Variants in RBFOX1 observed in about 807,000 individuals in gnomAD.
RBFOX1 encodes RNA binding protein fox-1 homolog 1.
Under a neutral mutation model 57.7 loss-of-function variants are expected in RBFOX1, and 8 were observed. That is an observed-to-expected ratio of 0.14 (90% CI 0.08 to 0.25). The LOEUF is 0.25. Ranked by LOEUF, RBFOX1 falls within the 10% of genes least tolerant of loss-of-function variation. The pLI is 1.00. For synonymous variants in RBFOX1, 326 were observed against 222.4 expected (o/e 1.47, Z -4.15); for missense variants, 611 against 548.5 (o/e 1.11, Z -1.14).
At position 6,816,413 on chromosome 16, in the gene RBFOX1, C is replaced by G. The variant is rs577602814; in HGVS notation, c.-16+161763C>G. On this transcript the variant is annotated intron_variant, in intron 3 of 15. Coordinates refer to ENST00000550418, the MANE Select transcript of RBFOX1 (RefSeq NM_018723.4). ...GGTTTTGTTGTTGCCAGACTGGCCC[C>G]TTCATGTAATTTTTTTTTTTTTTTT... 1.5e-4 allele frequency among the ~76,000 whole-genome samples: 23 copies of G among 149,748 alleles called. 1 individual carries two copies. The East Asian group carries it at 4.5e-3, about 29-fold the overall frequency.
chr16:7,644,753 G>A (rs1156670730), intron 11 of RBFOX1, among the ~76,000 whole-genome samples: 1 of 152,184 alleles, frequency 6.6e-6, no homozygotes, highest in Non-Finnish European at 1.5e-5. Flanking sequence ...ATCAACTCAG[G>A]TGATAAGAAA....
At chr16:6,352,699 A>G (rs1156744313) in intron 2 of RBFOX1, among the ~76,000 whole-genome samples, 2 of 152,228 alleles carry the variant, frequency 1.3e-5, no homozygotes, top group African/African-American at 2.4e-5. Context: ...CGTGTTTGAT[A>G]CAAAGGGCAT....
intron 4 of RBFOX1, among the ~76,000 whole-genome samples, chr16:7,458,742 A>T (rs1161967053): frequency 6.6e-6 from 1 of 152,030 alleles, no homozygotes; most frequent in Non-Finnish European, 1.5e-5. Context: ...TTACCTTTTC[A>T]GATAAGACCT....
chr16:5,681,661 G>C (rs1279030548), intron 3 of RBFOX1, among the ~76,000 whole-genome samples: 1 of 152,050 alleles, frequency 6.6e-6, no homozygotes, highest in Non-Finnish European at 1.5e-5. Context: ...CCAAGGTGCT[G>C]GGATTACAAG....
chr16:6,899,304 C>T (rs985068025), intron 3 of RBFOX1, among the ~76,000 whole-genome samples: 24 of 152,122 alleles, frequency 1.6e-4, no homozygotes, highest in African/African-American at 5.6e-4. Flanking sequence ...TATGTGTATG[C>T]ATGTGTATGT....
At chr16:6,902,913 A>G (rs2068836837) in intron 3 of RBFOX1, among the ~76,000 whole-genome samples, 1 of 152,296 alleles carries the variant, frequency 6.6e-6, no homozygotes, top group South Asian at 2.1e-4. Flanking sequence ...AGTATTGAAG[A>G]TGTAGATTCT....
intron 2 of RBFOX1, among the ~76,000 whole-genome samples, chr16:6,637,795 G>A (rs1225934404): frequency 1.3e-5 from 2 of 151,820 alleles, no homozygotes; most frequent in African/African-American, 4.8e-5. Context: ...CAGGAGGGCA[G>A]GATATTCCAT....
chr16:6,890,397 T>C (rs748348475), intron 3 of RBFOX1, among the ~76,000 whole-genome samples: 2 of 152,318 alleles, frequency 1.3e-5, no homozygotes, highest in East Asian at 1.9e-4. Flanking sequence ...TGGGCACCTG[T>C]AGTCCCAGCC....
intron 14 of RBFOX1, among the ~76,000 whole-genome samples, chr16:7,684,950 G>C (rs1024386727): frequency 2.6e-5 from 4 of 151,976 alleles, no homozygotes; most frequent in Non-Finnish European, 4.4e-5. Context: ...GGGAAAAGGA[G>C]GATTAACTTG....
rs2079635944 is a variant in RBFOX1 at position 6,777,828 on chromosome 16, A to AT, written c.-16+123182dup. Among the ~76,000 whole-genome samples, 3 of 152,174 alleles carry AT rather than the reference A, an allele frequency of 2.0e-5. No individual in the cohort carries two copies. In the South Asian group the frequency reaches 6.2e-4, roughly 32 times the overall value. On this transcript the variant is annotated intron_variant, in intron 3 of 15. Transcript: ENST00000550418. ...CCTTGTCATCAAGCTTTCCAGTTTC[A>AT]TTTTCACTTTTTGCACTAAGAGTAT...
intron 1 of RBFOX1, among the ~76,000 whole-genome samples, chr16:5,393,616 G>T (rs1567441362): frequency 6.6e-6 from 1 of 152,170 alleles, no homozygotes; most frequent in African/African-American, 2.4e-5. Context: ...ATGACATTCT[G>T]CTGTGTTGTT....
chr16:6,800,540 G>C (rs982160287), intron 3 of RBFOX1, among the ~76,000 whole-genome samples: 4 of 152,038 alleles, frequency 2.6e-5, no homozygotes, highest in Non-Finnish European at 5.9e-5. Flanking sequence ...TTCCGTGCAC[G>C]CTACACTTTA....
chr16:6,169,375 C>A (rs946828505), intron 1 of RBFOX1, among the ~76,000 whole-genome samples: 6 of 151,900 alleles, frequency 3.9e-5, no homozygotes, highest in Non-Finnish European at 8.8e-5. Context: ...GATTTGAATT[C>A]TTATACATGG....
chr16:6,849,857 T>C (rs772228408), intron 3 of RBFOX1, among the ~76,000 whole-genome samples: 38 of 152,142 alleles, frequency 2.5e-4, no homozygotes, highest in Admixed American at 6.5e-5. Flanking sequence ...TTATTTTTCT[T>C]CCTACCCTGC....
At chr16:5,979,172 G>C (rs1209391885) in intron 4 of RBFOX1, among the ~76,000 whole-genome samples, 1 of 152,180 alleles carries the variant, frequency 6.6e-6, no homozygotes, top group African/African-American at 2.4e-5. Flanking sequence ...TGTCTGAGGT[G>C]AGCTCCAAGG....
chr16:6,660,711 T>A (rs2098695954), intron 3 of RBFOX1, among the ~76,000 whole-genome samples: 1 of 152,226 alleles, frequency 6.6e-6, no homozygotes, highest in Non-Finnish European at 1.5e-5. Flanking sequence ...GCAAATCATT[T>A]TATATAATAC....
intron 3 of RBFOX1, among the ~76,000 whole-genome samples, chr16:6,897,057 C>T (rs1000668596): frequency 6.6e-6 from 1 of 152,152 alleles, no homozygotes; most frequent in Non-Finnish European, 1.5e-5. Context: ...CCACACCTTC[C>T]TGAATGCTGG....
upstream of RBFOX1, among the ~76,000 whole-genome samples, chr16:6,017,987 T>C: frequency 6.6e-6 from 1 of 152,318 alleles, no homozygotes; most frequent in East Asian, 1.9e-4. Flanking sequence ...CCTTGTCCAA[T>C]GCCACCTGCC....
intron 4 of RBFOX1, among the ~76,000 whole-genome samples, chr16:7,354,045 C>G (rs557947870): frequency 6.6e-6 from 1 of 152,140 alleles, no homozygotes; most frequent in Non-Finnish European, 1.5e-5. Context: ...GATCTGGGCT[C>G]GCTGCAACCT....
Sources: allele counts gnomAD v4.1 joint callset (sites outside exome capture counted in the v4.1 genomes callset), GRCh38; gene constraint gnomAD v4.1.1; transcripts MANE v1.5; gene names NCBI Gene and HGNC (gene_info 2026-07-23, HGNC 2026-07-21).